MORN4: variants seen among roughly 807,000 people sequenced by gnomAD.
The protein encoded by MORN4 is MORN repeat containing 4, also known as MORN repeat-containing protein 4.
In MORN4, 8 loss-of-function variants were observed where a neutral mutation model predicts 16.4. That is an observed-to-expected ratio of 0.49 (90% CI 0.29 to 0.88). MORN4 has a LOEUF of 0.88. Ranked by LOEUF, MORN4 falls within the 40% of genes least tolerant of loss-of-function variation. The pLI, the probability that MORN4 is intolerant of heterozygous loss-of-function variation, is 0.09. For missense variants in MORN4, 159 were observed against 182.9 expected, an observed-to-expected ratio of 0.87 and a Z score of 0.75; for synonymous variants, 53 against 68.9, an observed-to-expected ratio of 0.77 and a Z score of 1.14.
rs569046001 is a variant in MORN4, at chr10:97,620,435, C to T, written c.-30-752G>A. Among the ~76,000 whole-genome samples, 5 of 137,220 alleles carry T rather than the reference C, an allele frequency of 3.6e-5. No individual in the cohort carries two copies. The South Asian group carries it at 1.2e-3, about 32-fold the overall frequency. 90.0% of individuals were successfully genotyped at this position (137,220 alleles called of 152,430 possible). A position where few individuals can be genotyped will look rare whatever the true frequency, so the allele number is the denominator to read the frequency against. On this transcript the variant is annotated intron_variant, in intron 1 of 4. Coordinates refer to ENST00000307450, the MANE Select transcript of MORN4 (RefSeq NM_178832.4). ...CCCGGGAGGCGGAGGTTGTAGTGAG[C>T]TGAGATCACACCACTGTTACTCCAG...
chr10:97,629,120 G>T (rs2041373624), intron 1 of MORN4, among the ~76,000 whole-genome samples: 1 of 152,076 alleles, frequency 6.6e-6, no homozygotes, highest in Non-Finnish European at 1.5e-5. Context: ...GGGCGTGGTG[G>T]CTCATGCCTG....
At chr10:97,630,993 G>A (rs1357242366) in intron 1 of MORN4, among the ~76,000 whole-genome samples, 1 of 152,166 alleles carries the variant, frequency 6.6e-6, no homozygotes, top group Non-Finnish European at 1.5e-5. Context: ...TGGGACTACA[G>A]GAGCATGCCA....
chr10:97,628,464 T>C (rs1366424801), intron 1 of MORN4, among the ~76,000 whole-genome samples: 1 of 152,180 alleles, frequency 6.6e-6, no homozygotes, highest in East Asian at 1.9e-4. Flanking sequence ...GAAGGGAACA[T>C]TTCTCCAGTT....
In MORN4 at chr10:97,615,602, G is replaced by A; in HGVS notation, c.*661C>T. On this transcript the variant is annotated 3_prime_UTR_variant, in exon 5 of 5. Transcript: ENST00000307450. ...TAGCTGGGTGTGGTGGCGCGCTCCT[G>A]TAGTCCCAGCTACTCAGGAAGCTGA... 6.6e-6 allele frequency: 1 copy of A among 152,230 alleles called. No individual in the cohort carries two copies. The highest frequency in any genetic ancestry group is 1.5e-5 in the Non-Finnish European group (1 of 68,054). The allele number at this position is 152,230 out of a possible 1,614,324, so 9.4% of individuals were successfully genotyped here. A position where few individuals can be genotyped will look rare whatever the true frequency, so the allele number is the denominator to read the frequency against.
At chr10:97,630,310 G>A (rs11189299) in intron 1 of MORN4, among the ~76,000 whole-genome samples, 48,891 of 151,710 alleles carry the variant, frequency 0.32, 9,913 homozygotes, top group African/African-American at 0.58. Context: ...CTCATGATCC[G>A]CCCTCCTCAA....
At chr10:97,616,477 C>G (rs2041237441) in intron 4 of MORN4, 66 bp from the exon 5 acceptor site, 1 of 1,521,722 alleles carries the variant, frequency 6.6e-7, no homozygotes, top group African/African-American at 1.4e-5. Flanking sequence ...TGAGACATAT[C>G]TTTGGCCTTG....
At chr10:97,627,370 C>G (rs1025271651) in intron 1 of MORN4, among the ~76,000 whole-genome samples, 1 of 152,144 alleles carries the variant, frequency 6.6e-6, no homozygotes, top group Non-Finnish European at 1.5e-5. Flanking sequence ...TCTTGAACTC[C>G]TGGCCTCATG....
Position 97,626,066 on chromosome 10 carries a change from C to CTTTTT in MORN4, c.-30-6388_-30-6384dup, listed in dbSNP as rs74855674. Among the ~76,000 whole-genome samples the CTTTTT allele has an allele frequency of 7.1e-5, 10 of 140,798 alleles. 2 individuals carry two copies. Among genetic ancestry groups the CTTTTT allele is most frequent in the African/African-American group, 7.8e-5 (3 of 38,390 alleles). 92.4% of individuals were successfully genotyped at this position (140,798 alleles called of 152,430 possible). On this transcript the variant is annotated intron_variant, in intron 1 of 4. Transcript: ENST00000307450. ...TGAGCCACCACACCCAGCCTCATGC[C>CTTTTT]TTTTTTTTTTTTTTTTTTAAAGAGA...
rs2041220748 is a variant in MORN4, at chr10:97,614,591, C to T, written c.*1672G>A. The stretch of plus-strand genomic sequence containing the variant: ...TGATTTCTTTATTCTTTATAAACAC[C>T]TTTTTCTACAGTACAATTCAGAGAA... On this transcript the variant is annotated 3_prime_UTR_variant, in exon 5 of 5. Coordinates refer to ENST00000307450, the MANE Select transcript of MORN4 (RefSeq NM_178832.4). 6.6e-6 allele frequency: 1 copy of T among 152,528 alleles called. No individual in the cohort carries two copies. Among genetic ancestry groups the T allele is most frequent in the African/African-American group, 2.4e-5 (1 of 41,412 alleles). 9.4% of individuals were successfully genotyped at this position (152,528 alleles called of 1,614,324 possible).
intron 1 of MORN4, among the ~76,000 whole-genome samples, chr10:97,622,232 A>G (rs376837054): frequency 1.3e-5 from 2 of 152,336 alleles, no homozygotes; most frequent in South Asian, 2.1e-4. Flanking sequence ...TTACCCAGAA[A>G]AAGCTAACTG....
At chr10:97,616,582 G>A in intron 4 of MORN4, 96 bp downstream of exon 4, 8 of 1,253,660 alleles carry the variant, frequency 6.4e-6, no homozygotes, top group Non-Finnish European at 8.1e-6. Flanking sequence ...CGGCCACTAT[G>A]GATTGCTGGA....
intron 2 of MORN4, among the ~76,000 whole-genome samples, chr10:97,618,792 T>G (rs915674235): frequency 4.1e-4 from 62 of 151,706 alleles, no homozygotes; most frequent in African/African-American, 1.4e-3. Context: ...TGGTTGTTTT[T>G]TTTTTTTTTT....
rs968931094 is a variant in MORN4, at chr10:97,614,995, T to G, written c.*1268A>C. On this transcript the variant is annotated 3_prime_UTR_variant, in exon 5 of 5. Coordinates refer to ENST00000307450, the MANE Select transcript of MORN4 (RefSeq NM_178832.4). The stretch of plus-strand genomic sequence containing the variant: ...CTGAAGTGGCCTAAATATTCTACCC[T>G]TTTCCCTGGAGTTAGTCACAAATAC... The G allele has an allele frequency of 6.6e-6, 1 of 152,616 alleles. No individual in the cohort carries two copies. Among genetic ancestry groups the G allele is most frequent in the Admixed American group, 6.6e-5 (1 of 15,266 alleles). 9.5% of individuals were successfully genotyped at this position (152,616 alleles called of 1,614,324 possible).
chr10:97,623,370 A>G (rs959561370), intron 1 of MORN4, among the ~76,000 whole-genome samples: 23 of 152,096 alleles, frequency 1.5e-4, no homozygotes, highest in Non-Finnish European at 2.9e-4. Flanking sequence ...GCTTGAGCCC[A>G]GGAGTCTGAG....
Position 97,617,225 on chromosome 10 carries a change from G to T in MORN4, c.165C>A (p.Thr55=), listed in dbSNP as rs1312826301. ...NGLFNGFGVL[T]FSDGSRYEGE... Reference sequence around the variant, plus strand: ...ATACCCACCTTGAACCATCTGAGAAGGTCAATACCCCAAAGCCATTAAAGA... The same window carrying T: ...ATACCCACCTTGAACCATCTGAGAATGTCAATACCCCAAAGCCATTAAAGA... Residue 55 remains threonine, a synonymous_variant, in exon 3 of 5, where the codon ACC becomes ACA. Transcript: ENST00000307450. The T allele has an allele frequency of 6.2e-7, 1 of 1,613,962 alleles. No homozygotes were observed. The highest frequency in any genetic ancestry group is 8.5e-7 in the Non-Finnish European group (1 of 1,179,854).
Position 97,616,021 on chromosome 10 carries a change from C to T in MORN4, c.*242G>A. ...AGTGAGAAGAGGTGGCTCCTCTGTC[C>T]TCCAGCACATAAGGGTTAGGGAAAG... On this transcript the variant is annotated 3_prime_UTR_variant, in exon 5 of 5. Coordinates refer to ENST00000307450, the MANE Select transcript of MORN4 (RefSeq NM_178832.4). The T allele has an allele frequency of 2.8e-6, 1 of 362,938 alleles. No homozygotes were observed. Among genetic ancestry groups the T allele is most frequent in the Non-Finnish European group, 4.9e-6 (1 of 203,184 alleles). The allele number at this position is 362,938 out of a possible 1,614,324, so 22.5% of individuals were successfully genotyped here.
intron 1 of MORN4, among the ~76,000 whole-genome samples, chr10:97,632,532 A>C (rs2041405881): frequency 6.6e-6 from 1 of 151,680 alleles, no homozygotes; most frequent in African/African-American, 2.4e-5. Context: ...ATTTTTTTTT[A>C]AGTGTTTTAA....
chr10:97,617,824 C>T (rs1188825205), intron 2 of MORN4, among the ~76,000 whole-genome samples: 1 of 151,932 alleles, frequency 6.6e-6, no homozygotes, highest in East Asian at 1.9e-4. Context: ...CGCGCCACTG[C>T]ACTCCAGCCT....
intron 1 of MORN4, among the ~76,000 whole-genome samples, chr10:97,632,993 G>A (rs1013210753): frequency 6.6e-5 from 10 of 152,030 alleles, no homozygotes; most frequent in Non-Finnish European, 1.0e-4. Flanking sequence ...ACCACAACAA[G>A]GCAACACCTT....
Sources: allele counts gnomAD v4.1 joint callset (sites outside exome capture counted in the v4.1 genomes callset), GRCh38; gene constraint gnomAD v4.1.1; transcripts MANE v1.5; gene names NCBI Gene and HGNC (gene_info 2026-07-23, HGNC 2026-07-21).